TACC2: variants seen among roughly 807,000 people sequenced by gnomAD.
The protein encoded by TACC2 is transforming acidic coiled-coil containing protein 2.
A neutral mutation model predicts 227.3 loss-of-function variants in TACC2; 137 were observed. That is an observed-to-expected ratio of 0.60 (90% CI 0.52 to 0.69). The LOEUF is 0.69. TACC2 is among the 30% of genes least tolerant of loss of function. The pLI is 0.00. For synonymous variants in TACC2, 1,523 were observed against 1,487.5 expected (o/e 1.02, Z -0.55); for missense variants, 3,470 against 3,694.4 (o/e 0.94, Z 1.57).
chr10:122,032,166 C>A (rs1350046617), intron 2 of TACC2, among the ~76,000 whole-genome samples: 1 of 152,200 alleles, frequency 6.6e-6, no homozygotes, highest in Non-Finnish European at 1.5e-5. Context: ...CAGCTGTATA[C>A]CAGCCCCTTC....
At chr10:122,002,546 C>A (rs918294367) in intron 1 of TACC2, among the ~76,000 whole-genome samples, 41 of 152,256 alleles carry the variant, frequency 2.7e-4, no homozygotes, top group African/African-American at 9.4e-4. Flanking sequence ...ATTTGTAGAG[C>A]ACGCTGGGAC....
chr10:122,158,497 T>C (rs1244317143), intron 7 of TACC2, among the ~76,000 whole-genome samples: 1 of 152,124 alleles, frequency 6.6e-6, no homozygotes, highest in Non-Finnish European at 1.5e-5. Flanking sequence ...CCTCCCTGGG[T>C]CTAATAGTAA....
At chr10:122,207,506 G>A (rs991928320) in intron 8 of TACC2, among the ~76,000 whole-genome samples, 1 of 152,198 alleles carries the variant, frequency 6.6e-6, no homozygotes, top group Admixed American at 6.5e-5. Flanking sequence ...GCTGGGGTAA[G>A]GGTGGGGCCT....
chr10:122,159,871 A>G (rs1345296313), intron 7 of TACC2, among the ~76,000 whole-genome samples: 1 of 152,062 alleles, frequency 6.6e-6, no homozygotes, highest in East Asian at 1.9e-4. Context: ...TCTTGCTGCT[A>G]TGGCAACTGG....
rs2096299329 is a variant in TACC2 at position 122,254,169 on chromosome 10, T to G, written c.*113T>G. The G allele has an allele frequency of 1.2e-6, 1 of 836,234 alleles. No homozygotes were observed. The highest frequency in any genetic ancestry group is 1.4e-5 in the South Asian group (1 of 73,580). 51.8% of individuals were successfully genotyped at this position (836,234 alleles called of 1,614,324 possible). ...GTTTTCACTTTTTCGTATGCACTAC[T>G]GTATTTCCTTTCTAAATAAAATTGA... On this transcript the variant is annotated 3_prime_UTR_variant, in exon 23 of 23. Coordinates refer to ENST00000369005, the MANE Select transcript of TACC2 (RefSeq NM_206862.4).
chr10:122,169,782 G>A (rs1175453248), intron 7 of TACC2, among the ~76,000 whole-genome samples: 2 of 151,936 alleles, frequency 1.3e-5, no homozygotes, highest in East Asian at 1.9e-4. Context: ...ACAGGGTCTC[G>A]CTCTGTCACC....
At chr10:122,104,351 G>T (rs930743562) in intron 5 of TACC2, among the ~76,000 whole-genome samples, 1 of 151,884 alleles carries the variant, frequency 6.6e-6, no homozygotes, top group East Asian at 1.9e-4. Flanking sequence ...TATTAAAAAT[G>T]GCTTCATTTT....
intron 5 of TACC2, among the ~76,000 whole-genome samples, chr10:122,101,772 C>T (rs1249191746): frequency 2.2e-5 from 3 of 133,350 alleles, no homozygotes; most frequent in Non-Finnish European, 4.6e-5. Flanking sequence ...TGGAGTTTCA[C>T]CGTGTTAGCC....
intron 2 of TACC2, among the ~76,000 whole-genome samples, chr10:122,044,922 C>T (rs965177726): frequency 1.3e-5 from 2 of 152,084 alleles, no homozygotes; most frequent in South Asian, 4.2e-4. Context: ...TTCCAGCCTG[C>T]GATTTGGAAG....
chr10:122,203,154 C>T (rs1166876724), intron 8 of TACC2, among the ~76,000 whole-genome samples: 2 of 152,240 alleles, frequency 1.3e-5, no homozygotes, highest in Non-Finnish European at 2.9e-5. Context: ...CATCATGGCC[C>T]GTTCTCAACG....
chr10:122,061,521 G>GA, intron 3 of TACC2, among the ~76,000 whole-genome samples: 1 of 152,292 alleles, frequency 6.6e-6, no homozygotes, highest in South Asian at 2.1e-4. Flanking sequence ...TGTGCTGGGG[G>GA]AATCCCAGGA....
intron 7 of TACC2, among the ~76,000 whole-genome samples, chr10:122,176,117 C>CTCTCTCTCTCTCTATA (rs1447382017): frequency 1.8e-5 from 1 of 54,656 alleles, no homozygotes; most frequent in Non-Finnish European, 3.5e-5. Context: ...CTCTCTCTCT[C>CTCTCTCTCTCTCTATA]TATATATATA....
In TACC2 at chr10:122,211,590, A is replaced by G. The variant is rs372356560; in HGVS notation, c.7165A>G (p.Ser2389Gly). 1 of 1,614,024 alleles carries G rather than the reference A, an allele frequency of 6.2e-7. No individual in the cohort carries two copies. The highest frequency in any genetic ancestry group is 1.3e-5 in the African/African-American group (1 of 75,028). Residue 2389 changes from serine to glycine, a missense_variant, in exon 9 of 23, where the codon AGC becomes GGC. Coordinates refer to ENST00000369005, the MANE Select transcript of TACC2 (RefSeq NM_206862.4). Reference protein sequence around the residue: ...DPFKTSSKTPSSPSKSPASFE... With the variant: ...DPFKTSSKTPGSPSKSPASFE... ...CTTTAAGACATCCTCTAAGACCCCC[A>G]GCTCACCTTCTAAATCCCCAGCCTC...
At chr10:122,024,449 A>G (rs961232894) in intron 2 of TACC2, among the ~76,000 whole-genome samples, 2 of 152,174 alleles carry the variant, frequency 1.3e-5, no homozygotes, top group Admixed American at 6.5e-5. Context: ...ACTATAATGC[A>G]ATATCACAAC....
intron 7 of TACC2, among the ~76,000 whole-genome samples, chr10:122,186,436 G>A (rs1221408799): frequency 1.3e-5 from 2 of 152,150 alleles, no homozygotes; most frequent in African/African-American, 4.8e-5. Flanking sequence ...TGAGGTTACA[G>A]TGAGCTGTGA....
chr10:122,195,991 A>G (rs996510380), intron 8 of TACC2, among the ~76,000 whole-genome samples: 4 of 152,140 alleles, frequency 2.6e-5, no homozygotes, highest in Non-Finnish European at 5.9e-5. Context: ...AGAAGTCTGC[A>G]GGGCCAAACC....
intron 8 of TACC2, among the ~76,000 whole-genome samples, chr10:122,203,865 A>G (rs915397569): frequency 2.0e-5 from 3 of 151,998 alleles, no homozygotes; most frequent in Non-Finnish European, 4.4e-5. Context: ...CAGCCTTGGC[A>G]CCATTGAGCA....
intron 7 of TACC2, among the ~76,000 whole-genome samples, chr10:122,155,151 G>C (rs879742942): frequency 1.3e-5 from 2 of 152,178 alleles, no homozygotes; most frequent in Admixed American, 1.3e-4. Context: ...CTTTCGTCTC[G>C]GAAGCATCTC....
chr10:122,244,342 C>T (rs934163828), intron 19 of TACC2, among the ~76,000 whole-genome samples: 5 of 152,222 alleles, frequency 3.3e-5, no homozygotes, highest in African/African-American at 1.2e-4. Flanking sequence ...AGGGGCATCT[C>T]ACTGTGTGTC....
Sources: gnomAD v4.1 joint callset for allele counts (sites outside exome capture counted in the v4.1 genomes callset) on GRCh38, gnomAD v4.1.1 for gene constraint, MANE v1.5 for transcripts, NCBI Gene and HGNC (gene_info 2026-07-23, HGNC 2026-07-21) for gene names.